Variants in LHFPL2 observed in about 807,000 individuals in gnomAD.
The protein encoded by LHFPL2 is LHFPL tetraspan subfamily member 2 protein.
LHFPL2 carries 7 observed loss-of-function variants against 17.5 expected under a neutral mutation model. That is an observed-to-expected ratio of 0.40 (90% CI 0.23 to 0.75). The LOEUF (loss-of-function observed/expected upper bound fraction) is 0.75. LHFPL2 is among the 30% of genes least tolerant of loss of function. LHFPL2 has a pLI of 0.37. For missense variants in LHFPL2, 241 were observed against 294.8 expected (o/e 0.82, Z 1.34); for synonymous variants, 134 against 116.2 (o/e 1.15, Z -0.99).
At chr5:78,536,658 C>T (rs2112367965) in intron 3 of LHFPL2, among the ~76,000 whole-genome samples, 1 of 152,310 alleles carries the variant, frequency 6.6e-6, no homozygotes, top group South Asian at 2.1e-4. Flanking sequence ...CTCAGTTATT[C>T]ATCAGCTAGC....
At chr5:78,628,722 A>G (rs972484683) in intron 2 of LHFPL2, among the ~76,000 whole-genome samples, 3 of 152,258 alleles carry the variant, frequency 2.0e-5, no homozygotes, top group African/African-American at 4.8e-5. Context: ...AAGGAGAATG[A>G]GAACTATTTT....
At chr5:78,508,867 GTCTAC>G (rs1755015330) in intron 4 of LHFPL2, among the ~76,000 whole-genome samples, 2 of 30,198 alleles carry the variant, frequency 6.6e-5, no homozygotes, top group Non-Finnish European at 1.3e-4. Flanking sequence ...CAAAGCAAGA[GTCTAC>G]TCTACTTCTT....
chr5:78,630,690 C>T (rs1412539508), intron 2 of LHFPL2, among the ~76,000 whole-genome samples: 1 of 152,134 alleles, frequency 6.6e-6, no homozygotes, highest in Admixed American at 6.5e-5. Context: ...GTCTGGGAAC[C>T]TCTACTAGGT....
intron 4 of LHFPL2, chr5:78,491,338 G>A (rs950239703): frequency 2.0e-5 from 3 of 152,440 alleles, no homozygotes; most frequent in African/African-American, 4.8e-5. Flanking sequence ...GGGAGGCAAT[G>A]AGTTGTAGCA....
At chr5:78,613,348 G>C (rs1186286001) in intron 2 of LHFPL2, among the ~76,000 whole-genome samples, 1 of 152,158 alleles carries the variant, frequency 6.6e-6, no homozygotes, top group Non-Finnish European at 1.5e-5. Flanking sequence ...GAAGTGACCA[G>C]GCAAGGAGAT....
chr5:78,629,186 T>C (rs1745161925), intron 2 of LHFPL2, among the ~76,000 whole-genome samples: 1 of 152,186 alleles, frequency 6.6e-6, no homozygotes, highest in African/African-American at 2.4e-5. Flanking sequence ...GTTAAGAAGA[T>C]GCTAAGGAAC....
intron 2 of LHFPL2, among the ~76,000 whole-genome samples, chr5:78,630,909 C>T (rs1561373438): frequency 6.6e-6 from 1 of 152,118 alleles, no homozygotes; most frequent in South Asian, 2.1e-4. Flanking sequence ...TTCAGCCACC[C>T]GGCAGCTCCT....
intron 3 of LHFPL2, among the ~76,000 whole-genome samples, chr5:78,528,952 T>C (rs1001717612): frequency 2.0e-5 from 3 of 152,188 alleles, no homozygotes; most frequent in African/African-American, 7.2e-5. Context: ...AAATGTTAAT[T>C]GGCAGAGCCC....
intron 3 of LHFPL2, among the ~76,000 whole-genome samples, chr5:78,537,528 C>A (rs1755986985): frequency 6.6e-6 from 1 of 152,156 alleles, no homozygotes; most frequent in African/African-American, 2.4e-5. Context: ...AGGCAAGGGA[C>A]CTGGAGAAGA....
chr5:78,532,277 C>T (rs1755806186), intron 3 of LHFPL2, among the ~76,000 whole-genome samples: 1 of 152,080 alleles, frequency 6.6e-6, no homozygotes, highest in East Asian at 1.9e-4. Context: ...CCAAGCTCAT[C>T]TCGAACTCCT....
intron 1 of LHFPL2, among the ~76,000 whole-genome samples, chr5:78,634,438 C>G (rs1383012788): frequency 6.6e-6 from 1 of 152,238 alleles, no homozygotes; most frequent in Non-Finnish European, 1.5e-5. Flanking sequence ...CAGGTTTGGG[C>G]AGCACACTGT....
chr5:78,557,669 T>A (rs1174333286), intron 3 of LHFPL2, among the ~76,000 whole-genome samples: 1 of 152,178 alleles, frequency 6.6e-6, no homozygotes, highest in Non-Finnish European at 1.5e-5. Flanking sequence ...TTGGCCACAG[T>A]TATAGAACAA....
At chr5:78,600,448 GCCA>G (rs1743972271) in intron 2 of LHFPL2, among the ~76,000 whole-genome samples, 1 of 152,130 alleles carries the variant, frequency 6.6e-6, no homozygotes, top group Non-Finnish European at 1.5e-5. Flanking sequence ...TCAGCAAGAG[GCCA>G]TGTGCAGTGG....
intron 3 of LHFPL2, among the ~76,000 whole-genome samples, chr5:78,519,364 T>A (rs946732546): frequency 6.6e-6 from 1 of 152,140 alleles, no homozygotes; most frequent in Non-Finnish European, 1.5e-5. Context: ...ACCCTACAAG[T>A]GGGTGGCTGA....
chr5:78,595,204 G>A (rs1580843050), intron 2 of LHFPL2, among the ~76,000 whole-genome samples: 1 of 152,282 alleles, frequency 6.6e-6, no homozygotes, highest in African/African-American at 2.4e-5. Context: ...TCAGGACGTG[G>A]GGATTCTCCT....
At chr5:78,590,441 ATTTT>A (rs562512399) in intron 2 of LHFPL2, among the ~76,000 whole-genome samples, 1 of 152,112 alleles carries the variant, frequency 6.6e-6, no homozygotes, top group Non-Finnish European at 1.5e-5. Context: ...GATTTCACAT[ATTTT>A]TTTAACAACT....
At chr5:78,522,647 T>C (rs1755492097) in intron 3 of LHFPL2, among the ~76,000 whole-genome samples, 1 of 152,172 alleles carries the variant, frequency 6.6e-6, no homozygotes, top group South Asian at 2.1e-4. Flanking sequence ...TTGTCCAAGG[T>C]TGAAGTACTG....
chr5:78,620,422 C>T (rs192207360), intron 2 of LHFPL2, among the ~76,000 whole-genome samples: 41 of 152,050 alleles, frequency 2.7e-4, no homozygotes, highest in African/African-American at 7.0e-4. Flanking sequence ...CATAGAAAGG[C>T]GACGATGATC....
At chr5:78,507,488 T>C (rs564825113) in intron 4 of LHFPL2, among the ~76,000 whole-genome samples, 16 of 152,294 alleles carry the variant, frequency 1.1e-4, no homozygotes, top group Non-Finnish European at 2.1e-4. Flanking sequence ...CACTCAGACA[T>C]GGAATTCACT....
Sources: allele counts gnomAD v4.1 joint callset (sites outside exome capture counted in the v4.1 genomes callset), GRCh38; gene constraint gnomAD v4.1.1; transcripts MANE v1.5; gene names NCBI Gene and HGNC (gene_info 2026-07-23, HGNC 2026-07-21).